CLPSL2: variants seen among roughly 807,000 people sequenced by gnomAD.
The protein encoded by CLPSL2 is colipase-like protein 2.
A neutral mutation model predicts 7.9 loss-of-function variants in CLPSL2; 4 were observed. That is an observed-to-expected ratio of 0.50 (90% CI 0.25 to 1.15). CLPSL2 has a LOEUF of 1.15. Ranked by LOEUF, CLPSL2 falls within the 50% of genes most tolerant of loss-of-function variation. CLPSL2 has a pLI of 0.15. For synonymous variants in CLPSL2, 67 were observed against 53.1 expected (o/e 1.26, Z -1.14); for missense variants, 132 against 136.6 (o/e 0.97, Z 0.17).
intron 1 of CLPSL2, chr6:35,776,905 T>C (rs1767848326): frequency 2.2e-6 from 1 of 455,714 alleles, no homozygotes; most frequent in Non-Finnish European, 3.8e-6. Flanking sequence ...GGGAGAGAAA[T>C]TGGCCTATGA....
At chr6:35,776,812 C>A in intron 1 of CLPSL2, 110 bp downstream of exon 1, 1 of 975,330 alleles carries the variant, frequency 1.0e-6, no homozygotes, top group Non-Finnish European at 1.4e-6. Flanking sequence ...GAGGTGGGTC[C>A]GGAACCACAC....
intron 2 of CLPSL2, 64 bp downstream of exon 2, chr6:35,777,645 AAC>A: frequency 4.0e-6 from 6 of 1,514,806 alleles, no homozygotes; most frequent in Non-Finnish European, 5.3e-6. Flanking sequence ...TTAAAAAAAA[AAC>A]ACCTGGCCCC....
Sources: allele counts gnomAD v4.1 joint callset, GRCh38; gene constraint gnomAD v4.1.1; transcripts MANE v1.5; gene names NCBI Gene and HGNC (gene_info 2026-07-23, HGNC 2026-07-21).